OR7E24: variants seen among roughly 807,000 people sequenced by gnomAD.
The protein encoded by OR7E24 is olfactory receptor 7E24.
For synonymous variants in OR7E24, 130 were observed against 157.5 expected, an observed-to-expected ratio of 0.83 and a Z score of 1.31; for missense variants, 385 against 410.3, an observed-to-expected ratio of 0.94 and a Z score of 0.53.
the OR7E24 span, chr19:9,210,851 C>T: frequency 1.3e-5 from 2 of 152,196 alleles, no homozygotes; most frequent in African/African-American, 4.8e-5. Flanking sequence ...TGATGTTGGG[C>T]TGAGAGCTTG....
chr19:9,241,986 T>G, the OR7E24 span, among the ~76,000 whole-genome samples: 1 of 152,210 alleles, frequency 6.6e-6, no homozygotes, highest in Non-Finnish European at 1.5e-5. Flanking sequence ...GTCCATTTTC[T>G]TAGAGCCACT....
chr19:9,217,497 T>C, the OR7E24 span, among the ~76,000 whole-genome samples: 1 of 152,130 alleles, frequency 6.6e-6, no homozygotes, highest in Non-Finnish European at 1.5e-5. Flanking sequence ...TTCTCTGAGA[T>C]AGGAAAATTT....
chr19:9,219,676 C>G, the OR7E24 span: 2 of 152,176 alleles, frequency 1.3e-5, no homozygotes, highest in Non-Finnish European at 2.9e-5. Flanking sequence ...TCCAGTGTCT[C>G]AAGAGTTGAA....
chr19:9,236,147 C>T, the OR7E24 span: 97 of 807,106 alleles, frequency 1.2e-4, no homozygotes, highest in South Asian at 1.4e-3. Context: ...ATGCGCATAT[C>T]CTAGATCTTG....
rs1191459554 is a variant in OR7E24, at chr19:9,251,946, C to T, written c.903C>T (p.Pro301=). The change falls in exon 1 of 1, where the codon CCC becomes CCT. Residue 301 remains proline (P), a synonymous_variant. Coordinates refer to ENST00000456448, the MANE Select transcript of OR7E24 (RefSeq NM_001079935.2). ...VASVMYTVVT[P]MLNPFIYSLR... is the part of the protein sequence containing the mutation. ...CAGTGATGTACACTGTGGTCACCCC[C>T]ATGCTGAACCCCTTCATCTACAGCC... 6.2e-7 allele frequency: 1 copy of T among 1,614,168 alleles called. No homozygotes were observed. The highest frequency in any genetic ancestry group is 8.5e-7 in the Non-Finnish European group (1 of 1,180,016).
the OR7E24 span, chr19:9,235,886 T>C: frequency 6.8e-5 from 110 of 1,606,480 alleles, no homozygotes; most frequent in Middle Eastern, 1.7e-4. Context: ...CTCTGTGTGG[T>C]CTCCTTGTTC....
the OR7E24 span, among the ~76,000 whole-genome samples, chr19:9,228,005 G>A: frequency 1.9e-3 from 287 of 151,828 alleles, 1 homozygote; most frequent in African/African-American, 6.4e-3. Flanking sequence ...CGCCCGCCTC[G>A]GCCTCCCAAA....
Position 9,252,392 on chromosome 19 carries a change from C to T in OR7E24, c.*329C>T, listed in dbSNP as rs10424262. 0.1 allele frequency: 17,728 copies of T among 174,518 alleles called. 1,160 individuals carry two copies. The highest frequency in any genetic ancestry group is 0.18 in the African/African-American group (7,784 of 42,082). 10.8% of individuals were successfully genotyped at this position (174,518 alleles called of 1,614,324 possible). A position where few individuals can be genotyped will look rare whatever the true frequency, so the allele number is the denominator to read the frequency against. ...GGAAACTGCAACTTTAAAAAAAAAG[C>T]GCAGCAGGTCCTGAAATAAGTTCAT... is the stretch of plus-strand genomic sequence containing the variant. On this transcript the variant is annotated 3_prime_UTR_variant, in exon 1 of 1. Coordinates refer to ENST00000456448, the MANE Select transcript of OR7E24 (RefSeq NM_001079935.2).
chr19:9,236,069 C>A, the OR7E24 span: 4 of 1,529,406 alleles, frequency 2.6e-6, no homozygotes, highest in South Asian at 4.5e-5. Context: ...AGCAGGGCAG[C>A]CTCTTGTCTC....
chr19:9,251,061 T>G lies in OR7E24; in HGVS notation c.18T>G (p.Ile6Met). The G allele has an allele frequency of 6.3e-7, 1 of 1,590,528 alleles. No homozygotes were observed. Among genetic ancestry groups the G allele is most frequent in the Non-Finnish European group, 8.6e-7 (1 of 1,168,428 alleles). Reference protein sequence around the residue: MSYFPILFFFFLKRCP... With the variant: MSYFPMLFFFFLKRCP... The stretch of plus-strand genomic sequence containing the variant: ...GTTTACTTATGTCCTATTTTCCAAT[T>G]CTCTTTTTTTTTTTCCTCAAAAGGT... The change falls in exon 1 of 1, where the codon ATT becomes ATG. Residue 6 changes from isoleucine (I) to methionine (M), a missense_variant. By Grantham distance (10) the Ile-to-Met change is conservative. Coordinates refer to ENST00000456448, the MANE Select transcript of OR7E24 (RefSeq NM_001079935.2).
At chr19:9,235,808 T>C in the OR7E24 span, 6 of 1,611,296 alleles carry the variant, frequency 3.7e-6, no homozygotes, top group Admixed American at 1.7e-5. Context: ...TCTCAGATTG[T>C]CTCCTCCTTA....
the OR7E24 span, among the ~76,000 whole-genome samples, chr19:9,230,502 C>T: frequency 6.6e-6 from 1 of 152,136 alleles, no homozygotes; most frequent in Non-Finnish European, 1.5e-5. Context: ...TGATGATCTC[C>T]AAATCCTCTC....
the OR7E24 span, among the ~76,000 whole-genome samples, chr19:9,225,489 G>T: frequency 7.3e-5 from 11 of 150,860 alleles, no homozygotes; most frequent in African/African-American, 2.7e-4. Flanking sequence ...AAAGAAGGAA[G>T]GAAGGAATAA....
chr19:9,212,390 G>T, the OR7E24 span: 3 of 152,098 alleles, frequency 2.0e-5, no homozygotes, highest in African/African-American at 7.2e-5. Context: ...GAAAATACTG[G>T]CTACCAAATT....
chr19:9,234,110 G>T, the OR7E24 span, among the ~76,000 whole-genome samples: 1 of 152,014 alleles, frequency 6.6e-6, no homozygotes, highest in Non-Finnish European at 1.5e-5. Context: ...CACCATGTTG[G>T]CCAGGCTGGT....
At chr19:9,236,405 G>A in the OR7E24 span, among the ~76,000 whole-genome samples, 1 of 152,032 alleles carries the variant, frequency 6.6e-6, no homozygotes, top group Non-Finnish European at 1.5e-5. Flanking sequence ...AGCTGCTTTG[G>A]AGGCTGAGGC....
the OR7E24 span, chr19:9,207,450 C>T: frequency 6.6e-6 from 1 of 152,104 alleles, no homozygotes; most frequent in Non-Finnish European, 1.5e-5. Context: ...CCACTCATAC[C>T]TATGAGCTAA....
the OR7E24 span, chr19:9,235,815 C>G: frequency 6.2e-7 from 1 of 1,611,622 alleles, no homozygotes; most frequent in South Asian, 1.1e-5. Context: ...TTGTCTCCTC[C>G]TTAATGAGAA....
chr19:9,251,481 C>A lies in OR7E24; in HGVS notation c.438C>A (p.His146Gln), dbSNP rs1041456398. ...MAYDRFVAIC[H>Q]PLHYRIIMNP... ...ATGACCGGTTTGTGGCCATCTGTCA[C>A]CCCCTGCACTACCGAATCATCATGA... The change falls in exon 1 of 1, where the codon CAC (histidine) becomes CAA (glutamine). Residue 146 changes from histidine (H) to glutamine (Q), a missense_variant. By Grantham distance (24) the His-to-Gln change is conservative. Coordinates refer to ENST00000456448, the MANE Select transcript of OR7E24 (RefSeq NM_001079935.2). 3 of 1,614,064 alleles carry A rather than the reference C, an allele frequency of 1.9e-6. No homozygotes were observed. The highest frequency in any genetic ancestry group is 1.7e-6 in the Non-Finnish European group (2 of 1,179,950).
Sources: gnomAD v4.1 joint callset for allele counts (sites outside exome capture counted in the v4.1 genomes callset) on GRCh38, gnomAD v4.1.1 for gene constraint, MANE v1.5 for transcripts, NCBI Gene and HGNC (gene_info 2026-07-23, HGNC 2026-07-21) for gene names.